The following NRG3 variants were observed in gnomAD, a reference collection of about 807,000 sequenced individuals.
NRG3 encodes the protein pro-neuregulin-3, membrane-bound isoform.
In NRG3, 31 loss-of-function variants were observed where a neutral mutation model predicts 66.9. The ratio of observed to expected loss-of-function variants is 0.46; its 90% CI spans 0.35 to 0.63. The LOEUF (loss-of-function observed/expected upper bound fraction) is 0.63. NRG3 is among the 20% of genes least tolerant of loss of function. NRG3 has a pLI of 0.00. For missense variants in NRG3, 910 were observed against 878.9 expected (o/e 1.04, Z -0.45); for synonymous variants, 393 against 359.4 (o/e 1.09, Z -1.06).
chr10:82,175,774 A>G (rs2072986569), intron 1 of NRG3, among the ~76,000 whole-genome samples: 1 of 152,168 alleles, frequency 6.6e-6, no homozygotes, highest in South Asian at 2.1e-4. Context: ...CTGTGCATAG[A>G]ATTATTGGCT....
At chr10:82,155,043 A>G (rs1032883205) in intron 1 of NRG3, among the ~76,000 whole-genome samples, 2 of 151,828 alleles carry the variant, frequency 1.3e-5, no homozygotes, top group Non-Finnish European at 3.0e-5. Flanking sequence ...TTGTCTATAA[A>G]TTTATTGACT....
chr10:82,298,729 A>G (rs2080220520), intron 1 of NRG3, among the ~76,000 whole-genome samples: 2 of 152,198 alleles, frequency 1.3e-5, no homozygotes, highest in South Asian at 4.1e-4. Context: ...AAAGCCAATG[A>G]GGAATTCTAT....
chr10:82,607,001 G>A (rs1198924458), intron 2 of NRG3, among the ~76,000 whole-genome samples: 2 of 152,006 alleles, frequency 1.3e-5, no homozygotes, highest in African/African-American at 4.8e-5. Context: ...CAAACCTCTT[G>A]GGGAGGCAGA....
intron 2 of NRG3, among the ~76,000 whole-genome samples, chr10:82,446,195 A>G (rs1197489000): frequency 6.6e-6 from 1 of 152,230 alleles, no homozygotes; most frequent in Admixed American, 6.5e-5. Context: ...CTGCTTTGGC[A>G]TCTTTCTCAC....
At chr10:82,813,010 A>G (rs1384978550) in intron 3 of NRG3, among the ~76,000 whole-genome samples, 1 of 152,174 alleles carries the variant, frequency 6.6e-6, no homozygotes, top group Non-Finnish European at 1.5e-5. Context: ...TGTAATAGCA[A>G]CAGAAAGACA....
chr10:82,958,026 T>G (rs1043558708), intron 5 of NRG3, among the ~76,000 whole-genome samples: 1 of 152,256 alleles, frequency 6.6e-6, no homozygotes, highest in South Asian at 2.1e-4. Context: ...ATCCTTCTGG[T>G]GTAGGCACTG....
chr10:82,190,659 T>G (rs1454937782), intron 1 of NRG3, among the ~76,000 whole-genome samples: 7 of 152,156 alleles, frequency 4.6e-5, no homozygotes, highest in African/African-American at 9.7e-5. Flanking sequence ...ACAAATTGGT[T>G]TACTCCTCTG....
At chr10:82,021,290 A>G (rs541973225) in intron 1 of NRG3, among the ~76,000 whole-genome samples, 9 of 152,134 alleles carry the variant, frequency 5.9e-5, no homozygotes, top group African/African-American at 1.9e-4. Flanking sequence ...TGGGAACTCT[A>G]TTGATTTTTA....
At chr10:81,917,266 A>G (rs2132824486) in intron 1 of NRG3, among the ~76,000 whole-genome samples, 1 of 152,296 alleles carries the variant, frequency 6.6e-6, no homozygotes, top group East Asian at 1.9e-4. Flanking sequence ...TTTGGAATGC[A>G]TCTCTCCTTC....
At chr10:82,126,936 T>C (rs1187584350) in intron 1 of NRG3, among the ~76,000 whole-genome samples, 1 of 152,100 alleles carries the variant, frequency 6.6e-6, no homozygotes, top group Non-Finnish European at 1.5e-5. Flanking sequence ...AGACAAAGCC[T>C]TGCTCACAGT....
intron 1 of NRG3, among the ~76,000 whole-genome samples, chr10:81,935,876 AACACAC>A (rs55670416): frequency 0.047 from 6,245 of 132,448 alleles, 202 homozygotes; most frequent in East Asian, 0.11. Flanking sequence ...TCAGTGCCTG[AACACAC>A]ACACACACAC....
At chr10:82,964,788 A>G (rs988515600) in intron 6 of NRG3, among the ~76,000 whole-genome samples, 1 of 152,214 alleles carries the variant, frequency 6.6e-6, no homozygotes, top group African/African-American at 2.4e-5. Flanking sequence ...GTTCCAGACC[A>G]GGCGATTATC....
chr10:82,821,226 A>G (rs2061939771), intron 3 of NRG3, among the ~76,000 whole-genome samples: 3 of 152,072 alleles, frequency 2.0e-5, no homozygotes, highest in Admixed American at 6.6e-5. Flanking sequence ...CCTCTGCCCC[A>G]CAGAGTCACC....
At chr10:82,164,757 G>T (rs1376697519) in intron 1 of NRG3, among the ~76,000 whole-genome samples, 1 of 152,188 alleles carries the variant, frequency 6.6e-6, no homozygotes, top group Non-Finnish European at 1.5e-5. Flanking sequence ...AGGAAAACTA[G>T]GTGGGGAGCT....
At chr10:82,650,691 GAA>G (rs759376400) in intron 2 of NRG3, among the ~76,000 whole-genome samples, 23 of 152,322 alleles carry the variant, frequency 1.5e-4, no homozygotes, top group Admixed American at 9.8e-4. Flanking sequence ...TCCAGACACA[GAA>G]AAAGTTTGAG....
At chr10:81,938,652 T>C (rs1735927561) in intron 1 of NRG3, among the ~76,000 whole-genome samples, 1 of 144,790 alleles carries the variant, frequency 6.9e-6, no homozygotes, top group Admixed American at 6.7e-5. Flanking sequence ...CATGCATGCA[T>C]GCATGCAAAA....
intron 3 of NRG3, among the ~76,000 whole-genome samples, chr10:82,796,535 T>C (rs2060808907): frequency 1.3e-5 from 2 of 151,982 alleles, no homozygotes. Context: ...AACCAAAATT[T>C]ATCAAATAGC....
chr10:82,196,084 C>T (rs1661119182), intron 1 of NRG3, among the ~76,000 whole-genome samples: 1 of 152,078 alleles, frequency 6.6e-6, no homozygotes, highest in African/African-American at 2.4e-5. Context: ...AACTAATATC[C>T]AGTGTGATGT....
intron 1 of NRG3, among the ~76,000 whole-genome samples, chr10:81,978,924 C>G (rs1342690637): frequency 2.0e-5 from 3 of 152,088 alleles, no homozygotes; most frequent in Non-Finnish European, 4.4e-5. Flanking sequence ...GGCGTGGTGG[C>G]TCATGCCTGT....
Sources: gnomAD v4.1 joint callset for allele counts (sites outside exome capture counted in the v4.1 genomes callset) on GRCh38, gnomAD v4.1.1 for gene constraint, MANE v1.5 for transcripts, NCBI Gene and HGNC (gene_info 2026-07-23, HGNC 2026-07-21) for gene names.